A1CF: variants seen among roughly 807,000 people sequenced by gnomAD.
A1CF encodes the protein APOBEC1 complementation factor.
Under a neutral mutation model 68.9 loss-of-function variants are expected in A1CF, and 48 were observed. That is an observed-to-expected ratio of 0.70 (90% confidence interval 0.55 to 0.89). A1CF has a LOEUF of 0.89. Among genes scored for constraint, A1CF ranks in the 40% least tolerant of loss-of-function variants. The probability of loss-of-function intolerance (pLI) is 0.00; values close to 1 mark genes in which losing one functional copy is unlikely to be tolerated. For synonymous variants in A1CF, 272 were observed against 260.4 expected (o/e 1.04, Z -0.43); for missense variants, 653 against 718.9 (o/e 0.91, Z 1.05).
intron 7 of A1CF, 71 bp downstream of exon 7, chr10:50,828,060 A>G (rs1362390905): frequency 1.7e-6 from 2 of 1,172,310 alleles, no homozygotes; most frequent in Non-Finnish European, 2.3e-6. Flanking sequence ...ATTCCTCGAC[A>G]CATACACCCT....
At chr10:50,835,120 A>G (rs1839427317) in intron 6 of A1CF, among the ~76,000 whole-genome samples, 1 of 152,192 alleles carries the variant, frequency 6.6e-6, no homozygotes, top group Admixed American at 6.5e-5. Context: ...TAAAAGATTC[A>G]GCAACCTTTG....
At chr10:50,854,913 T>C (rs564067930) in intron 3 of A1CF, among the ~76,000 whole-genome samples, 85 of 152,048 alleles carry the variant, frequency 5.6e-4, no homozygotes, top group African/African-American at 1.9e-3. Flanking sequence ...ATAGGATAAC[T>C]AGATAAACAA....
chr10:50,807,810 G>A (rs1440427307), intron 12 of A1CF, among the ~76,000 whole-genome samples: 1 of 152,122 alleles, frequency 6.6e-6, no homozygotes, highest in South Asian at 2.1e-4. Context: ...ATTTTTCATT[G>A]TTGTTTTAAA....
chr10:50,844,251 A>T, intron 3 of A1CF, 129 bp from the exon 4 acceptor site: 1 of 1,350,342 alleles, frequency 7.4e-7, no homozygotes. Context: ...ATAATAGTGG[A>T]CTGGTTAAAG....
chr10:50,880,936 C>G (rs1841741841), intron 1 of A1CF, among the ~76,000 whole-genome samples: 1 of 151,234 alleles, frequency 6.6e-6, no homozygotes, highest in Non-Finnish European at 1.5e-5. Context: ...GGGGGTGGTT[C>G]TTCTCTCACC....
In A1CF at chr10:50,853,795, C is replaced by CTTT. The variant is rs771485369; in HGVS notation, c.99+6044_99+6046dup. ...AAGGCCAAATAGTTGATATTTTAGGCTTTTTTTTAAAAAAAATGCTTAAAA... is the reference window on the plus strand; with the variant it reads ...AAGGCCAAATAGTTGATATTTTAGGCTTTTTTTTTTTAAAAAAAATGCTTAAAA... On this transcript the variant is annotated intron_variant, in intron 3 of 12. Coordinates refer to ENST00000373997, the MANE Select transcript of A1CF (RefSeq NM_014576.4). Among the ~76,000 whole-genome samples the CTTT allele has an allele frequency of 2.2e-5, 3 of 136,546 alleles. No individual in the cohort carries two copies. The South Asian group carries it at 7.0e-4, about 32-fold the overall frequency. 89.6% of individuals were successfully genotyped at this position (136,546 alleles called of 152,430 possible).
chr10:50,810,979 G>A, intron 11 of A1CF, 61 bp downstream of exon 11: 1 of 1,509,636 alleles, frequency 6.6e-7, no homozygotes, highest in South Asian at 1.3e-5. Context: ...GTGACTAAAT[G>A]CATTTAATTT....
intron 2 of A1CF, chr10:50,863,025 G>C (rs922094978): frequency 3.3e-5 from 5 of 152,078 alleles, no homozygotes; most frequent in African/African-American, 1.2e-4. Flanking sequence ...CTTTAGTTTT[G>C]GTTAATAATT....
intron 2 of A1CF, among the ~76,000 whole-genome samples, chr10:50,862,110 A>T: frequency 6.6e-6 from 1 of 152,020 alleles, no homozygotes; most frequent in East Asian, 1.9e-4. Flanking sequence ...TCTGGCCTGT[A>T]ATCCCAGCAC....
At chr10:50,823,808 T>A (rs1838787832) in intron 7 of A1CF, among the ~76,000 whole-genome samples, 1 of 152,166 alleles carries the variant, frequency 6.6e-6, no homozygotes, top group Non-Finnish European at 1.5e-5. Flanking sequence ...TCAGTGGCAA[T>A]ATAATATTAT....
chr10:50,866,251 G>C (rs1564530490), intron 1 of A1CF, among the ~76,000 whole-genome samples: 1 of 152,180 alleles, frequency 6.6e-6, no homozygotes, highest in Non-Finnish European at 1.5e-5. Flanking sequence ...AGAGTGCAGA[G>C]TGATTAAAAT....
chr10:50,821,489 G>A (rs1450823791), intron 7 of A1CF, among the ~76,000 whole-genome samples: 1 of 151,928 alleles, frequency 6.6e-6, no homozygotes, highest in African/African-American at 2.4e-5. Context: ...ACACGAAGGA[G>A]TCTATAAAGA....
At chr10:50,854,453 T>C (rs1050772530) in intron 3 of A1CF, among the ~76,000 whole-genome samples, 120 of 152,116 alleles carry the variant, frequency 7.9e-4, no homozygotes, top group Non-Finnish European at 1.5e-3. Flanking sequence ...TTAGGATATG[T>C]TTAAGTTTAA....
At chr10:50,874,946 G>A (rs545729791) in intron 1 of A1CF, among the ~76,000 whole-genome samples, 78 of 152,206 alleles carry the variant, frequency 5.1e-4, no homozygotes, top group African/African-American at 1.9e-3. Flanking sequence ...GTTTGGAATG[G>A]GGCCCAGGAA....
Position 50,809,950 on chromosome 10 carries a change from G to A in A1CF, c.1553C>T (p.Thr518Ile), listed in dbSNP as rs969399849. The A allele has an allele frequency of 2.5e-6, 4 of 1,614,032 alleles. No individual in the cohort carries two copies. Among genetic ancestry groups the A allele is most frequent in the Non-Finnish European group, 3.4e-6 (4 of 1,179,936 alleles). ...AGCCATGGTGCCATCGCCTCCATCA[G>A]TGGGGATGCCCAGGGTCTGCAGGGT... ...EYTLQTLGIPTDGGDGTMATA... is the reference protein window; with the variant it reads ...EYTLQTLGIPIDGGDGTMATA... Residue 518 changes from threonine to isoleucine, a missense_variant, in exon 12 of 13, where the codon ACT becomes ATT. Physicochemically the swap from Thr to Ile is moderately conservative, Grantham distance 89 (BLOSUM62 -1). Transcript: ENST00000373997.
At chr10:50,810,840 C>A (rs1389283266) in intron 11 of A1CF, among the ~76,000 whole-genome samples, 200 bp downstream of exon 11, 1 of 152,200 alleles carries the variant, frequency 6.6e-6, no homozygotes, top group Non-Finnish European at 1.5e-5. Flanking sequence ...ACACAACCTT[C>A]ATTGTGTATA....
intron 6 of A1CF, 161 bp from the exon 7 acceptor site, chr10:50,828,456 G>C (rs879425516): frequency 2.1e-6 from 1 of 475,026 alleles, no homozygotes; most frequent in Admixed American, 3.7e-5. Context: ...GACATTCCAA[G>C]TGGAGTAGCT....
intron 3 of A1CF, among the ~76,000 whole-genome samples, chr10:50,846,415 C>T (rs749548624): frequency 9.9e-5 from 15 of 152,164 alleles, no homozygotes; most frequent in Non-Finnish European, 1.8e-4. Context: ...ATCCTTCTCC[C>T]TGGGCAAACT....
At position 50,857,305 on chromosome 10, in the gene A1CF, G is replaced by T. The variant is rs370407060; in HGVS notation, c.99+2537C>A. On this transcript the variant is annotated intron_variant, in intron 3 of 12. Transcript: ENST00000373997. ...CTCACCTCAAACATTTATTTGTGTT[G>T]GGAACATTTCAAATCTTCTCTTCTA... Among the ~76,000 whole-genome samples the T allele has an allele frequency of 3.5e-4, 53 of 152,134 alleles. 2 individuals are homozygous for T. The South Asian group carries it at 9.9e-3, about 29-fold the overall frequency.
Sources: allele counts gnomAD v4.1 joint callset (sites outside exome capture counted in the v4.1 genomes callset), GRCh38; gene constraint gnomAD v4.1.1; transcripts MANE v1.5; gene names NCBI Gene and HGNC (gene_info 2026-07-23, HGNC 2026-07-21).